Variants in CEACAM6 observed in about 807,000 individuals in gnomAD.
CEACAM6 encodes CEA cell adhesion molecule 6.
Under a neutral mutation model 32.4 loss-of-function variants are expected in CEACAM6, and 21 were observed. The observed-to-expected ratio is 0.65, with a 90% CI of 0.46 to 0.93. The LOEUF (loss-of-function observed/expected upper bound fraction) is 0.93, where lower values mean the gene tolerates loss of function less well. Ranked by LOEUF, CEACAM6 falls within the 40% of genes least tolerant of loss-of-function variation. CEACAM6 has a pLI of 0.00. For missense variants in CEACAM6, 406 were observed against 432.2 expected (o/e 0.94, Z 0.54); for synonymous variants, 184 against 174.4 (o/e 1.06, Z -0.43).
In CEACAM6 at chr19:41,761,379, C is replaced by T. The variant is rs782127498; in HGVS notation, c.555C>T (p.Leu185=). The stretch of plus-strand genomic sequence containing the variant: ...TGTGGTGGGTAAATGGTCAGAGCCT[C>T]CCGGTCAGTCCCAGGCTGCAGCTGT... The part of the protein sequence containing the change: ...TYLWWVNGQS[L]PVSPRLQLSN... Residue 185 remains leucine (L), a synonymous_variant, in exon 3 of 6, where the codon CTC becomes CTT. Transcript: ENST00000199764. 2 of 1,614,206 alleles carry T rather than the reference C, an allele frequency of 1.2e-6. No homozygotes were observed. Among genetic ancestry groups the T allele is most frequent in the Non-Finnish European group, 1.7e-6 (2 of 1,180,034 alleles).
intron 2 of CEACAM6, 68 bp downstream of exon 2, chr19:41,757,027 G>T (rs1000730833): frequency 1.3e-6 from 2 of 1,547,048 alleles, no homozygotes; most frequent in African/African-American, 1.4e-5. Context: ...GGATTGTCAG[G>T]CCTGGGTTGT....
At position 41,756,746 on chromosome 19, in the gene CEACAM6, G is replaced by A. The variant is rs150927411; in HGVS notation, c.211G>A (p.Glu71Lys). 26 of 1,613,966 alleles carry A rather than the reference G, an allele frequency of 1.6e-5. No individual in the cohort carries two copies. The highest frequency in any genetic ancestry group is 5.5e-5 in the South Asian group (5 of 91,074). Residue 71 changes from glutamate (E) to lysine (K), a missense_variant, in exon 2 of 6, where the codon GAA becomes AAA. Transcript: ENST00000199764. ...NRIGYSWYKGERVDGNSLIVG... is the reference protein window; with the variant it reads ...NRIGYSWYKGKRVDGNSLIVG... ...TATTGGTTACAGCTGGTACAAAGGC[G>A]AAAGAGTGGATGGCAACAGTCTAAT...
intron 2 of CEACAM6, 57 bp downstream of exon 2, chr19:41,757,016 G>T (rs903671379): frequency 7.1e-6 from 11 of 1,555,088 alleles, no homozygotes; most frequent in Non-Finnish European, 8.7e-6. Flanking sequence ...TCCCACATAC[G>T]GGATTGTCAG....
rs868923784 is a variant in CEACAM6, at chr19:41,756,501, C to T, written c.65-99C>T. 1.5e-5 allele frequency: 22 copies of T among 1,489,912 alleles called. No individual in the cohort carries two copies. The Middle Eastern group carries it at 3.5e-3, about 236-fold the overall frequency. The allele number at this position is 1,489,912 out of a possible 1,614,324, so 92.3% of individuals were successfully genotyped here. ...ACACACACACACACACACGCTCCAA[C>T]GTGGAGGGGTGAAGAGACCTGCTCA... On this transcript the variant is annotated intron_variant, in intron 1 of 5. Coordinates refer to ENST00000199764, the MANE Select transcript of CEACAM6 (RefSeq NM_002483.7).
chr19:41,758,513 C>A, intron 2 of CEACAM6, among the ~76,000 whole-genome samples: 1 of 152,078 alleles, frequency 6.6e-6, no homozygotes, highest in East Asian at 1.9e-4. Flanking sequence ...CTAAACCTAC[C>A]CCATCTCATG....
chr19:41,765,832 T>C (rs1186752884), intron 4 of CEACAM6, among the ~76,000 whole-genome samples: 3 of 152,190 alleles, frequency 2.0e-5, no homozygotes, highest in African/African-American at 7.2e-5. Flanking sequence ...GTCCCTGCCA[T>C]AGAGCTCCAA....
intron 4 of CEACAM6, among the ~76,000 whole-genome samples, chr19:41,763,558 C>T (rs1182740064): frequency 1.3e-5 from 2 of 152,218 alleles, no homozygotes; most frequent in Non-Finnish European, 2.9e-5. Flanking sequence ...AGACTCAATG[C>T]TTCTGCCCTA....
chr19:41,758,055 C>CCGCA (rs2072900394), intron 2 of CEACAM6: 1 of 152,192 alleles, frequency 6.6e-6, no homozygotes, highest in Non-Finnish European at 1.5e-5. Context: ...TCTTGTGCAT[C>CCGCA]CGCAGCTCAG....
At position 41,756,951 on chromosome 19, in the gene CEACAM6, A is replaced by G. The variant is rs548452372; in HGVS notation, c.416A>G (p.His139Arg). 38 of 1,602,196 alleles carry G rather than the reference A, an allele frequency of 2.4e-5. No homozygotes were observed. The South Asian group carries it at 4.0e-4, about 17-fold the overall frequency. ...LVNEEATGQF[H>R]VYPELPKPSI... is the part of the protein sequence containing the mutation. ...AATGAAGAAGCAACCGGACAGTTCC[A>G]TGTATACCGTGAGTATTTCCACATG... is the stretch of plus-strand genomic sequence containing the variant. The change falls in exon 2 of 6, where the codon CAT (histidine) becomes CGT (arginine). Residue 139 changes from histidine (H) to arginine (R), a missense_variant. By Grantham distance (29) the His-to-Arg change is conservative. Transcript: ENST00000199764.
chr19:41,761,948 G>A, intron 3 of CEACAM6, 21 bp from the exon 4 acceptor site: 2 of 1,613,096 alleles, frequency 1.2e-6, no homozygotes, highest in Non-Finnish European at 1.7e-6. Flanking sequence ...ATCACCTGTG[G>A]CTTTATTCTG....
chr19:41,762,375 A>C (rs1328307053), intron 4 of CEACAM6, 152 bp downstream of exon 4: 12 of 868,284 alleles, frequency 1.4e-5, no homozygotes, highest in Non-Finnish European at 2.1e-5. Context: ...TCACCTCTGC[A>C]GACTCTTTTC....
rs560646482 is a variant in CEACAM6 at position 41,772,118 on chromosome 19, T to C, written c.*1357T>C. 5.6e-4 allele frequency: 85 copies of C among 152,370 alleles called. No homozygotes were observed. Among genetic ancestry groups the C allele is most frequent in the African/African-American group, 1.9e-3 (80 of 41,596 alleles). The allele number at this position is 152,370 out of a possible 1,614,324, so 9.4% of individuals were successfully genotyped here. A position where few individuals can be genotyped will look rare whatever the true frequency, so the allele number is the denominator to read the frequency against. On this transcript the variant is annotated 3_prime_UTR_variant, in exon 6 of 6. Coordinates refer to ENST00000199764, the MANE Select transcript of CEACAM6 (RefSeq NM_002483.7). ...TTGACAAAACCCACTGTTCTTGTAT[T>C]GTATTGCCCAGGGGGAGCTATCACT...
chr19:41,772,135 G>A lies in CEACAM6; in HGVS notation c.*1374G>A, dbSNP rs2072998101. ...TCTTGTATTGTATTGCCCAGGGGGAGCTATCACTGTACTTGTAGAGTGGTG... is the reference window on the plus strand; with the variant it reads ...TCTTGTATTGTATTGCCCAGGGGGAACTATCACTGTACTTGTAGAGTGGTG... On this transcript the variant is annotated 3_prime_UTR_variant, in exon 6 of 6. Transcript: ENST00000199764. 6.6e-6 allele frequency: 1 copy of A among 152,206 alleles called. No homozygotes were observed. The highest frequency in any genetic ancestry group is 2.4e-5 in the African/African-American group (1 of 41,456). 9.4% of individuals were successfully genotyped at this position (152,206 alleles called of 1,614,324 possible).
At chr19:41,766,503 C>T (rs1296599966) in intron 5 of CEACAM6, among the ~76,000 whole-genome samples, 1 of 152,188 alleles carries the variant, frequency 6.6e-6, no homozygotes, top group African/African-American at 2.4e-5. Flanking sequence ...TAATTATCCC[C>T]AGCCTCTGCT....
At chr19:41,761,134 G>C (rs2072920250) in intron 2 of CEACAM6, 115 bp from the exon 3 acceptor site, 2 of 1,559,198 alleles carry the variant, frequency 1.3e-6, no homozygotes, top group Non-Finnish European at 1.7e-6. Flanking sequence ...CCTGCCAGGG[G>C]CTTTTAAGGA....
At chr19:41,764,988 G>A (rs1375123515) in intron 4 of CEACAM6, among the ~76,000 whole-genome samples, 3 of 152,202 alleles carry the variant, frequency 2.0e-5, no homozygotes, top group African/African-American at 7.2e-5. Context: ...AACAATGCCT[G>A]TTTCATAGTA....
At chr19:41,762,338 C>A in intron 4 of CEACAM6, 115 bp downstream of exon 4, 1 of 1,193,350 alleles carries the variant, frequency 8.4e-7, no homozygotes, top group Non-Finnish European at 1.2e-6. Flanking sequence ...CACGCAAATC[C>A]CAAATTCTCC....
intron 5 of CEACAM6, among the ~76,000 whole-genome samples, chr19:41,770,494 T>C (rs2072987707): frequency 6.6e-6 from 1 of 152,066 alleles, no homozygotes; most frequent in Non-Finnish European, 1.5e-5. Context: ...GGAGAATCGC[T>C]TGAACTTGGG....
intron 4 of CEACAM6, among the ~76,000 whole-genome samples, chr19:41,762,941 GTA>G (rs1568726904): frequency 6.6e-6 from 1 of 152,176 alleles, no homozygotes; most frequent in African/African-American, 2.4e-5. Context: ...GTCACTGGCT[GTA>G]TAAGACTGTG....
Sources: gnomAD v4.1 joint callset for allele counts (sites outside exome capture counted in the v4.1 genomes callset) on GRCh38, gnomAD v4.1.1 for gene constraint, MANE v1.5 for transcripts, NCBI Gene and HGNC (gene_info 2026-07-23, HGNC 2026-07-21) for gene names.